EIF3L: variants seen among roughly 807,000 people sequenced by gnomAD.
The protein encoded by EIF3L is eukaryotic translation initiation factor 3 subunit L.
Under a neutral mutation model 74.6 loss-of-function variants are expected in EIF3L, and 32 were observed. That is an observed-to-expected ratio of 0.43 (90% CI 0.32 to 0.58). The LOEUF is 0.58. EIF3L is among the 20% of genes least tolerant of loss of function. The pLI, the probability that EIF3L is intolerant of heterozygous loss-of-function variation, is 0.06. For missense variants in EIF3L, 474 were observed against 707.8 expected, an observed-to-expected ratio of 0.67 and a Z score of 3.75; for synonymous variants, 256 against 254.4, an observed-to-expected ratio of 1.01 and a Z score of -0.06.
chr22:37,861,121 G>T (rs1309608156), intron 5 of EIF3L, among the ~76,000 whole-genome samples: 1 of 152,080 alleles, frequency 6.6e-6, no homozygotes, highest in East Asian at 1.9e-4. Context: ...ATAATGTCTG[G>T]TCATAATGGT....
intron 11 of EIF3L, 64 bp from the exon 12 acceptor site, chr22:37,886,701 C>T: frequency 6.9e-7 from 1 of 1,444,486 alleles, no homozygotes; most frequent in South Asian, 1.2e-5. Flanking sequence ...CATGGTGGCT[C>T]CTGGGTTAGA....
chr22:37,873,815 G>A (rs1218608562), intron 8 of EIF3L, among the ~76,000 whole-genome samples: 4 of 152,074 alleles, frequency 2.6e-5, no homozygotes, highest in South Asian at 2.1e-4. Flanking sequence ...CTCCCATCTC[G>A]GCCTCTCAAG....
chr22:37,878,406 C>T, intron 11 of EIF3L: 1 of 295,274 alleles, frequency 3.4e-6, no homozygotes, highest in Non-Finnish European at 6.0e-6. Context: ...GTAGTGAGAC[C>T]TTTTCTCTAT....
At chr22:37,867,990 T>C (rs1601768384) in intron 7 of EIF3L, among the ~76,000 whole-genome samples, 1 of 150,824 alleles carries the variant, frequency 6.6e-6, no homozygotes, top group East Asian at 1.9e-4. Context: ...AAAAAAATCA[T>C]ACTTTTCTGA....
chr22:37,874,755 C>T (rs1384642523), intron 9 of EIF3L, among the ~76,000 whole-genome samples: 1 of 152,046 alleles, frequency 6.6e-6, no homozygotes, highest in Non-Finnish European at 1.5e-5. Context: ...ATGATGATGG[C>T]AGCTTGCTCT....
At chr22:37,858,053 G>A (rs1285840354) in intron 4 of EIF3L, among the ~76,000 whole-genome samples, 1 of 151,750 alleles carries the variant, frequency 6.6e-6, no homozygotes, top group Non-Finnish European at 1.5e-5. Flanking sequence ...GCACATGCCT[G>A]TAGTCCCACC....
intron 10 of EIF3L, chr22:37,877,448 T>G: frequency 1.9e-6 from 1 of 538,010 alleles, no homozygotes. Context: ...AAGACAGAGG[T>G]GCCAGTAAGG....
chr22:37,857,380 A>AG (rs1246501376), intron 4 of EIF3L, among the ~76,000 whole-genome samples: 1 of 150,872 alleles, frequency 6.6e-6, no homozygotes, highest in East Asian at 1.9e-4. Flanking sequence ...AAAAAAAAAA[A>AG]AAAAAAAAAA....
At chr22:37,856,769 G>A (rs143050956) in intron 4 of EIF3L, among the ~76,000 whole-genome samples, 4 of 151,852 alleles carry the variant, frequency 2.6e-5, no homozygotes, top group South Asian at 4.2e-4. Context: ...ACTTGAACCC[G>A]GAAGGCAGAG....
intron 6 of EIF3L, 75 bp from the exon 7 acceptor site, chr22:37,863,197 A>G (rs1925953356): frequency 7.3e-7 from 1 of 1,361,114 alleles, no homozygotes; most frequent in Non-Finnish European, 1.0e-6. Context: ...GAGAGAAATT[A>G]CAAAGCATTC....
At chr22:37,885,618 T>C (rs1403090283) in intron 11 of EIF3L, 2 of 151,924 alleles carry the variant, frequency 1.3e-5, no homozygotes, top group Non-Finnish European at 2.9e-5. Context: ...TTTGCAATTT[T>C]ATCAACAGTG....
At chr22:37,851,254 C>G in intron 2 of EIF3L, 26 bp from the exon 3 acceptor site, 1 of 1,604,134 alleles carries the variant, frequency 6.2e-7, no homozygotes, top group East Asian at 2.2e-5. Context: ...TGAGCATACT[C>G]TGTATTTGTT....
chr22:37,860,445 C>G (rs573784713), intron 5 of EIF3L, among the ~76,000 whole-genome samples: 1 of 152,338 alleles, frequency 6.6e-6, no homozygotes, highest in South Asian at 2.1e-4. Context: ...ACCTCTGTCT[C>G]CTGGGCTCAA....
At chr22:37,875,478 C>G (rs1046712432) in intron 9 of EIF3L, among the ~76,000 whole-genome samples, 1 of 152,076 alleles carries the variant, frequency 6.6e-6, no homozygotes, top group Non-Finnish European at 1.5e-5. Context: ...AAAAATATTA[C>G]AGATAATTTT....
intron 11 of EIF3L, 198 bp from the exon 12 acceptor site, chr22:37,886,567 C>CTA: frequency 3.2e-6 from 1 of 307,774 alleles, no homozygotes; most frequent in Non-Finnish European, 6.2e-6. Context: ...AACTCCATCT[C>CTA]AAAAAAAAAA....
intron 9 of EIF3L, among the ~76,000 whole-genome samples, chr22:37,874,831 C>T (rs1909768105): frequency 6.6e-6 from 1 of 151,336 alleles, no homozygotes; most frequent in Admixed American, 6.6e-5. Context: ...TGGGTTCAAG[C>T]GATTCCCCTG....
intron 4 of EIF3L, among the ~76,000 whole-genome samples, chr22:37,857,369 CAAAAAAAAAAA>C (rs375301957): frequency 1.4e-3 from 83 of 58,256 alleles, no homozygotes; most frequent in Non-Finnish European, 2.0e-3. Flanking sequence ...GACTGCGTCC[CAAAAAAAAAAA>C]AAAAAAAAAA....
intron 3 of EIF3L, among the ~76,000 whole-genome samples, chr22:37,854,099 T>A (rs908188597): frequency 2.6e-5 from 4 of 152,202 alleles, no homozygotes; most frequent in African/African-American, 9.6e-5. Context: ...GAAGAAATGC[T>A]GGTGCCTTAA....
chr22:37,880,129 AT>A (rs1183817247), intron 11 of EIF3L: 3 of 141,496 alleles, frequency 2.1e-5, no homozygotes, highest in Non-Finnish European at 4.6e-5. Flanking sequence ...ATTTTATTTT[AT>A]TTTGAGATGT....
Sources: gnomAD v4.1 joint callset for allele counts (sites outside exome capture counted in the v4.1 genomes callset) on GRCh38, gnomAD v4.1.1 for gene constraint, MANE v1.5 for transcripts, NCBI Gene and HGNC (gene_info 2026-07-23, HGNC 2026-07-21) for gene names.